TENM1: variants seen among roughly 807,000 people sequenced by gnomAD.
TENM1 encodes the protein teneurin transmembrane protein 1, also known as teneurin-1.
Under a neutral mutation model 174.8 loss-of-function variants are expected in TENM1, and 35 were observed. That is an observed-to-expected ratio of 0.20 (90% confidence interval 0.15 to 0.27). TENM1 has a LOEUF of 0.27. Among genes scored for constraint, TENM1 ranks in the 10% least tolerant of loss-of-function variants. The pLI, the probability that TENM1 is intolerant of heterozygous loss-of-function variation, is 1.00. For missense variants in TENM1, 1,633 were observed against 2,130.1 expected (o/e 0.77, Z 4.59); for synonymous variants, 781 against 798.7 (o/e 0.98, Z 0.37).
chrX:124,384,897 A>C (rs753016303), intron 29 of TENM1, 43 bp from the exon 33 acceptor site: 1 of 1,141,283 alleles, frequency 8.8e-7, no homozygotes. Context: ...TAGGCGATCA[A>C]TGTGGAAGAG....
intron 3 of TENM1, among the ~76,000 whole-genome samples, chrX:124,770,126 T>C (rs1236800437): frequency 8.9e-6 from 1 of 111,883 alleles, no homozygotes; most frequent in East Asian, 2.8e-4. Context: ...GTTTAAAACA[T>C]CTTTTGTGTA....
chrX:125,184,740 C>G, the TENM1 span, among the ~76,000 whole-genome samples: 1 of 111,440 alleles, frequency 9.0e-6, no homozygotes, highest in Non-Finnish European at 1.9e-5. Flanking sequence ...GACTTTTTTA[C>G]AGCTTGAAAT....
At chrX:124,751,278 G>A (rs907617748) in intron 3 of TENM1, among the ~76,000 whole-genome samples, 4 of 111,384 alleles carry the variant, frequency 3.6e-5, no homozygotes, top group Non-Finnish European at 7.5e-5. Context: ...TCTACTATGG[G>A]AAATACCAAA....
chrX:124,582,706 C>T (rs1011514940), intron 11 of TENM1, among the ~76,000 whole-genome samples: 2 of 111,530 alleles, frequency 1.8e-5, no homozygotes, highest in Admixed American at 9.5e-5. Flanking sequence ...TGCAGCACAC[C>T]GTGTGCGAGC....
At chrX:124,860,308 T>G (rs2056889289) in intron 3 of TENM1, among the ~76,000 whole-genome samples, 1 of 111,794 alleles carries the variant, frequency 8.9e-6, no homozygotes, top group Non-Finnish European at 1.9e-5. Context: ...AGTTCTCAAA[T>G]GTACAATGGA....
At chrX:124,416,679 G>A in intron 25 of TENM1, among the ~76,000 whole-genome samples, 1 of 111,596 alleles carries the variant, frequency 9.0e-6, no homozygotes, top group Non-Finnish European at 1.9e-5. Flanking sequence ...TACTTATCAG[G>A]AGTATTTGGC....
intron 1 of TENM1, among the ~76,000 whole-genome samples, chrX:124,925,151 A>AC (rs2058075323): frequency 9.2e-6 from 1 of 108,996 alleles, no homozygotes; most frequent in Non-Finnish European, 1.9e-5. Flanking sequence ...ACCTTATATC[A>AC]CAGAATACTA....
At chrX:124,511,116 T>C (rs12387638) in intron 18 of TENM1, among the ~76,000 whole-genome samples, 2,267 of 112,220 alleles carry the variant, frequency 0.02, 45 homozygotes, top group African/African-American at 0.06. Flanking sequence ...TTAAACATAT[T>C]TCATATGTAA....
intron 25 of TENM1, among the ~76,000 whole-genome samples, chrX:124,411,518 C>G (rs2060533730): frequency 9.0e-6 from 1 of 111,574 alleles, no homozygotes; most frequent in South Asian, 3.7e-4. Context: ...ACTGTAACTC[C>G]ATGATAAACA....
At chrX:124,579,849 A>T (rs1328800234) in intron 11 of TENM1, among the ~76,000 whole-genome samples, 1 of 112,170 alleles carries the variant, frequency 8.9e-6, no homozygotes, top group African/African-American at 3.2e-5. Context: ...TGATGAACAT[A>T]AAAGTATCTG....
the TENM1 span, among the ~76,000 whole-genome samples, chrX:125,041,622 A>G: frequency 1.5e-4 from 17 of 112,378 alleles, no homozygotes; most frequent in Non-Finnish European, 2.6e-4. Context: ...ACAAGTCTTA[A>G]AAAATGGATC....
intron 17 of TENM1, among the ~76,000 whole-genome samples, chrX:124,520,994 C>T (rs1266721722): frequency 9.0e-6 from 1 of 111,049 alleles, no homozygotes; most frequent in Non-Finnish European, 1.9e-5. Flanking sequence ...GGAGACAAGA[C>T]CCAACCTTAA....
the TENM1 span, among the ~76,000 whole-genome samples, chrX:125,117,741 T>C: frequency 9.0e-6 from 1 of 110,906 alleles, no homozygotes; most frequent in African/African-American, 3.3e-5. Context: ...TTGGCAAGGA[T>C]TCAGAGAAAA....
chrX:125,130,293 A>G, the TENM1 span, among the ~76,000 whole-genome samples: 1,454 of 111,239 alleles, frequency 0.013, 28 homozygotes, highest in African/African-American at 0.044. Flanking sequence ...AATTCACCTA[A>G]TTTTATCACC....
chrX:124,510,829 A>T (rs2047566321), intron 18 of TENM1, among the ~76,000 whole-genome samples: 1 of 107,740 alleles, frequency 9.3e-6, no homozygotes, highest in Non-Finnish European at 1.9e-5. Flanking sequence ...TCTTTGTAGC[A>T]TCACATTCTG....
exon 30 of TENM1, chrX:124,384,470 G>A (rs1227105424): frequency 1.7e-6 from 2 of 1,209,805 alleles, no homozygotes; most frequent in Admixed American, 4.4e-5. Context: ...GAAGTACCTT[G>A]TTATATTGGC....
At chrX:125,155,026 T>G in the TENM1 span, among the ~76,000 whole-genome samples, 1 of 111,613 alleles carries the variant, frequency 9.0e-6, no homozygotes, top group East Asian at 2.8e-4. Context: ...CACTGCTGGC[T>G]CGGGCAGCCT....
intron 11 of TENM1, 25 bp downstream of exon 14, chrX:124,641,766 G>A (rs370604024): frequency 1.8e-5 from 21 of 1,177,235 alleles, no homozygotes; most frequent in Non-Finnish European, 2.4e-5. Context: ...GTAGAGGAAG[G>A]AGAAGGAAAT....
At chrX:124,795,334 T>G (rs1306744281) in intron 3 of TENM1, among the ~76,000 whole-genome samples, 1 of 112,393 alleles carries the variant, frequency 8.9e-6, no homozygotes, top group Non-Finnish European at 1.9e-5. Context: ...ACTTGTTGAA[T>G]GCATGACTGG....
Sources: gnomAD v4.1 joint callset for allele counts (sites outside exome capture counted in the v4.1 genomes callset) on GRCh38, gnomAD v4.1.1 for gene constraint, MANE v1.5 for transcripts, NCBI Gene and HGNC (gene_info 2026-07-23, HGNC 2026-07-21) for gene names.